TMEM163: variants seen among roughly 807,000 people sequenced by gnomAD.
The protein encoded by TMEM163 is transmembrane protein 163.
A neutral mutation model predicts 29.3 loss-of-function variants in TMEM163; 17 were observed. The ratio of observed to expected loss-of-function variants is 0.58; its 90% CI spans 0.40 to 0.87. TMEM163 has a LOEUF of 0.87. Ranked by LOEUF, TMEM163 falls within the 40% of genes least tolerant of loss-of-function variation. The probability of loss-of-function intolerance (pLI) is 0.00; values close to 1 mark genes in which losing one functional copy is unlikely to be tolerated. For synonymous variants in TMEM163, 157 were observed against 160.6 expected, an observed-to-expected ratio of 0.98 and a Z score of 0.17; for missense variants, 303 against 381.5, an observed-to-expected ratio of 0.79 and a Z score of 1.71.
At chr2:134,493,999 T>C (rs1196016365) in intron 5 of TMEM163, among the ~76,000 whole-genome samples, 2 of 152,090 alleles carry the variant, frequency 1.3e-5, no homozygotes, top group African/African-American at 4.8e-5. Context: ...AAAGAAAGTA[T>C]CAAGTCCAGA....
At chr2:134,527,491 G>T (rs578122890) in intron 4 of TMEM163, among the ~76,000 whole-genome samples, 2 of 152,124 alleles carry the variant, frequency 1.3e-5, no homozygotes, top group African/African-American at 2.4e-5. Context: ...CCCAAATCCC[G>T]CTGCTATCGC....
rs377397931 is a variant in TMEM163 at position 134,710,008 on chromosome 2, T to A, written c.322+3192A>T. Reference sequence around the variant, plus strand: ...AATTGCCAATCAGAACATTTTTTAATCTACCTATAACCTGGAAGCCATCCA... The same window carrying A: ...AATTGCCAATCAGAACATTTTTTAAACTACCTATAACCTGGAAGCCATCCA... On this transcript the variant is annotated intron_variant, in intron 2 of 7. Coordinates refer to ENST00000281924, the MANE Select transcript of TMEM163 (RefSeq NM_030923.5). Among the ~76,000 whole-genome samples, 26 of 152,336 alleles carry A rather than the reference T, an allele frequency of 1.7e-4. No homozygotes were observed. The South Asian group carries it at 5.4e-3, about 32-fold the overall frequency.
intron 2 of TMEM163, among the ~76,000 whole-genome samples, chr2:134,673,359 C>T (rs1248839062): frequency 1.3e-5 from 2 of 152,188 alleles, no homozygotes; most frequent in East Asian, 3.9e-4. Context: ...ACTGCACATC[C>T]TTTCATGAGT....
intron 2 of TMEM163, among the ~76,000 whole-genome samples, chr2:134,558,326 G>A (rs1007298169): frequency 2.6e-5 from 4 of 152,124 alleles, no homozygotes; most frequent in South Asian, 2.1e-4. Context: ...AGGATGCTGC[G>A]TGTCACACAC....
At chr2:134,620,717 C>T (rs1224423247) in intron 2 of TMEM163, among the ~76,000 whole-genome samples, 1 of 152,174 alleles carries the variant, frequency 6.6e-6, no homozygotes, top group African/African-American at 2.4e-5. Flanking sequence ...CAATTCAATA[C>T]AGAGGAAGCT....
intron 2 of TMEM163, among the ~76,000 whole-genome samples, chr2:134,568,622 AAAAAAGAAAGAAG>A (rs1184468083): frequency 6.6e-6 from 1 of 151,750 alleles, no homozygotes; most frequent in African/African-American, 2.4e-5. Context: ...GAAAAGAAAG[AAAAAAGAAAGAAG>A]AAAAAGAAAA....
intron 4 of TMEM163, among the ~76,000 whole-genome samples, 192 bp from the exon 5 acceptor site, chr2:134,503,189 T>C (rs911664551): frequency 3.9e-5 from 6 of 152,146 alleles, no homozygotes; most frequent in Non-Finnish European, 5.9e-5. Context: ...CAGAGTTTGA[T>C]CACCAAAGTC....
At chr2:134,579,291 C>T (rs1039286090) in intron 2 of TMEM163, among the ~76,000 whole-genome samples, 3 of 152,188 alleles carry the variant, frequency 2.0e-5, no homozygotes, top group Non-Finnish European at 2.9e-5. Context: ...AATTCTTTCA[C>T]GAAGTTCGTT....
In TMEM163 at chr2:134,586,350, G is replaced by T. The variant is rs532665082; in HGVS notation, c.323-34259C>A. Among the ~76,000 whole-genome samples, 174 of 152,336 alleles carry T rather than the reference G, an allele frequency of 1.1e-3. 3 individuals carry two copies. In the Middle Eastern group the frequency reaches 0.027, roughly 24 times the overall value. On this transcript the variant is annotated intron_variant, in intron 2 of 7. Coordinates refer to ENST00000281924, the MANE Select transcript of TMEM163 (RefSeq NM_030923.5). ...TTGGTTCCTTCTACAGGCTGCAGAG[G>T]AAACTGGCCCCAGCCCTCTCTCTAG... is the stretch of plus-strand genomic sequence containing the variant.
chr2:134,637,188 T>C (rs1297180922), intron 2 of TMEM163, among the ~76,000 whole-genome samples: 1 of 130,804 alleles, frequency 7.6e-6, no homozygotes, highest in Non-Finnish European at 1.8e-5. Context: ...ATCATCCAAT[T>C]CCCCACCAGG....
At chr2:134,555,666 C>T (rs1311171606) in intron 2 of TMEM163, among the ~76,000 whole-genome samples, 1 of 152,214 alleles carries the variant, frequency 6.6e-6, no homozygotes, top group Non-Finnish European at 1.5e-5. Context: ...GCAGCAGTTA[C>T]ACATCCAAAA....
intron 4 of TMEM163, among the ~76,000 whole-genome samples, chr2:134,510,942 C>G (rs1484401430): frequency 6.6e-6 from 1 of 152,178 alleles, no homozygotes; most frequent in Non-Finnish European, 1.5e-5. Context: ...TTCCAATGTA[C>G]ACTGCACAGG....
chr2:134,496,575 C>A (rs1251055931), intron 5 of TMEM163, among the ~76,000 whole-genome samples: 1 of 152,124 alleles, frequency 6.6e-6, no homozygotes, highest in Admixed American at 6.5e-5. Context: ...TCCATGGGGA[C>A]TGGAGACCAA....
At chr2:134,655,114 G>A (rs1337940460) in intron 2 of TMEM163, among the ~76,000 whole-genome samples, 1 of 135,080 alleles carries the variant, frequency 7.4e-6, no homozygotes, top group Non-Finnish European at 1.5e-5. Flanking sequence ...GATTGGTGAA[G>A]TTCTCCTGGA....
chr2:134,716,829 T>C (rs915007418), intron 1 of TMEM163, among the ~76,000 whole-genome samples: 3 of 152,192 alleles, frequency 2.0e-5, no homozygotes, highest in African/African-American at 7.2e-5. Flanking sequence ...ATTCACCACA[T>C]ACTGGTTGCC....
rs1685098246 is a variant in TMEM163, at chr2:134,718,816, C to T, written c.120G>A (p.Val40=). Residue 40 remains valine, a synonymous_variant, in exon 1 of 8, where the codon GTG becomes GTA. Transcript: ENST00000281924. ...APGPAPLSSP[V]REPPQLEEER... is the part of the protein sequence containing the mutation. The stretch of plus-strand genomic sequence containing the variant: ...CCTCCTCCAGCTGGGGCGGCTCGCG[C>T]ACCGGGGAGCTCAGCGGGGCCGGGC... The T allele has an allele frequency of 8.8e-7, 1 of 1,137,428 alleles. No individual in the cohort carries two copies. The allele number at this position is 1,137,428 out of a possible 1,614,324, so 70.5% of individuals were successfully genotyped here.
intron 4 of TMEM163, among the ~76,000 whole-genome samples, chr2:134,538,022 T>C (rs186640898): frequency 1.3e-5 from 2 of 152,328 alleles, no homozygotes; most frequent in Non-Finnish European, 2.9e-5. Flanking sequence ...GAATGTAAAA[T>C]GACATTGCCA....
At chr2:134,537,709 T>C (rs1680572045) in intron 4 of TMEM163, among the ~76,000 whole-genome samples, 1 of 152,214 alleles carries the variant, frequency 6.6e-6, no homozygotes, top group Non-Finnish European at 1.5e-5. Context: ...TTGAGCTTGA[T>C]TCATCTGAGT....
At chr2:134,509,415 T>C (rs1448512351) in intron 4 of TMEM163, among the ~76,000 whole-genome samples, 1 of 152,214 alleles carries the variant, frequency 6.6e-6, no homozygotes, top group Non-Finnish European at 1.5e-5. Context: ...TAGGAAACTA[T>C]GTGAAGGCAC....
Sources: allele counts gnomAD v4.1 joint callset (sites outside exome capture counted in the v4.1 genomes callset), GRCh38; gene constraint gnomAD v4.1.1; transcripts MANE v1.5; gene names NCBI Gene and HGNC (gene_info 2026-07-23, HGNC 2026-07-21).